Variants in CACNA2D1 observed in about 807,000 individuals in gnomAD.
The protein encoded by CACNA2D1 is calcium voltage-gated channel auxiliary subunit alpha2delta 1.
A neutral mutation model predicts 171.5 loss-of-function variants in CACNA2D1; 53 were observed. The observed-to-expected ratio is 0.31, with a 90% confidence interval of 0.25 to 0.39. The LOEUF is 0.39. Ranked by LOEUF, CACNA2D1 falls within the 10% of genes least tolerant of loss-of-function variation. The probability of loss-of-function intolerance (pLI) is 1.00; values close to 1 mark genes in which losing one functional copy is unlikely to be tolerated. For missense variants in CACNA2D1, 903 were observed against 1,299.8 expected, an observed-to-expected ratio of 0.69 and a Z score of 4.69; for synonymous variants, 442 against 443.1, an observed-to-expected ratio of 1.00 and a Z score of 0.03.
chr7:82,209,797 G>T (rs571751691), intron 3 of CACNA2D1, among the ~76,000 whole-genome samples: 1 of 151,994 alleles, frequency 6.6e-6, no homozygotes, highest in Non-Finnish European at 1.5e-5. Flanking sequence ...ACATTTTTGC[G>T]CTGTGTGAAT....
intron 1 of CACNA2D1, among the ~76,000 whole-genome samples, chr7:82,358,874 T>A (rs1031105781): frequency 6.6e-5 from 10 of 151,962 alleles, no homozygotes; most frequent in Non-Finnish European, 1.2e-4. Context: ...TATCCAAGTA[T>A]TTTTTTTCAT....
chr7:82,401,454 G>A (rs1307953624), intron 1 of CACNA2D1, among the ~76,000 whole-genome samples: 1 of 149,038 alleles, frequency 6.7e-6, no homozygotes, highest in Non-Finnish European at 1.5e-5. Context: ...ACTATCGCAA[G>A]AACAAAAAAC....
At chr7:82,038,380 C>T in intron 10 of CACNA2D1, 145 bp from the exon 11 acceptor site, 2 of 690,072 alleles carry the variant, frequency 2.9e-6, no homozygotes, top group Non-Finnish European at 2.4e-6. Context: ...GACAAAGGTG[C>T]ATTAAGAAAC....
At chr7:82,160,627 C>T (rs1794848004) in intron 4 of CACNA2D1, among the ~76,000 whole-genome samples, 1 of 151,964 alleles carries the variant, frequency 6.6e-6, no homozygotes, top group East Asian at 1.9e-4. Context: ...TGCCACCATG[C>T]CCAGATAATT....
intron 4 of CACNA2D1, among the ~76,000 whole-genome samples, chr7:82,146,494 TTATA>T (rs374065183): frequency 4.1e-5 from 5 of 121,058 alleles, no homozygotes; most frequent in African/African-American, 1.1e-4. Context: ...ATATTTATAT[TTATA>T]TATATATAAA....
intron 7 of CACNA2D1, among the ~76,000 whole-genome samples, chr7:82,067,609 A>G (rs1434975287): frequency 2.6e-5 from 4 of 152,200 alleles, no homozygotes; most frequent in Admixed American, 6.5e-5. Context: ...AAGCTTAAAT[A>G]TAGCACTCTT....
rs1482058203 is a variant in CACNA2D1, at chr7:82,139,853, C to T, written c.355-3177G>A. Among the ~76,000 whole-genome samples the T allele has an allele frequency of 8.6e-5, 13 of 150,616 alleles. No individual in the cohort carries two copies. In the East Asian group the frequency reaches 1.7e-3, roughly 20 times the overall value. ...AGGCTGGAGTGCAATGGCATGATCT[C>T]GGCTCACTGCAAATTCTGCCTCCTG... On this transcript the variant is annotated intron_variant, in intron 4 of 38. Coordinates refer to ENST00000356860, the MANE Select transcript of CACNA2D1 (RefSeq NM_000722.4).
At chr7:82,314,673 TA>T (rs774842744) in intron 3 of CACNA2D1, among the ~76,000 whole-genome samples, 3 of 152,114 alleles carry the variant, frequency 2.0e-5, no homozygotes, top group African/African-American at 7.2e-5. Flanking sequence ...CATATTTGGA[TA>T]AAAAATATTT....
At chr7:82,350,321 C>T (rs568615529) in intron 1 of CACNA2D1, among the ~76,000 whole-genome samples, 9 of 152,118 alleles carry the variant, frequency 5.9e-5, no homozygotes, top group Non-Finnish European at 1.3e-4. Context: ...CAGCTTTTAA[C>T]CACTACATAC....
chr7:82,150,105 C>CATT, intron 4 of CACNA2D1, among the ~76,000 whole-genome samples: 1 of 151,918 alleles, frequency 6.6e-6, no homozygotes, highest in Non-Finnish European at 1.5e-5. Flanking sequence ...AATGCTTAAA[C>CATT]GGCTTTAAGC....
At chr7:82,395,956 T>C (rs1825716962) in intron 1 of CACNA2D1, among the ~76,000 whole-genome samples, 1 of 152,228 alleles carries the variant, frequency 6.6e-6, no homozygotes, top group Non-Finnish European at 1.5e-5. Context: ...GTGAAAATCC[T>C]ATGCAGACTA....
At chr7:82,353,345 T>C (rs554852218) in intron 1 of CACNA2D1, among the ~76,000 whole-genome samples, 1 of 152,224 alleles carries the variant, frequency 6.6e-6, no homozygotes, top group Non-Finnish European at 1.5e-5. Flanking sequence ...AATTGTGGTA[T>C]AGAAAGTAAG....
intron 1 of CACNA2D1, among the ~76,000 whole-genome samples, chr7:82,430,956 C>T (rs1243985200): frequency 6.6e-6 from 1 of 152,162 alleles, no homozygotes; most frequent in Non-Finnish European, 1.5e-5. Context: ...AATAGATTCA[C>T]TCTCTGTGGC....
chr7:82,419,628 A>C (rs1409334111), intron 1 of CACNA2D1, among the ~76,000 whole-genome samples: 6 of 152,244 alleles, frequency 3.9e-5, no homozygotes, highest in Non-Finnish European at 7.3e-5. Flanking sequence ...TAATTTAGAA[A>C]ATAATTTGAA....
At chr7:82,110,993 G>C (rs1249587951) in intron 6 of CACNA2D1, among the ~76,000 whole-genome samples, 1 of 151,992 alleles carries the variant, frequency 6.6e-6, no homozygotes, top group African/African-American at 2.4e-5. Context: ...TTTAGTCAGT[G>C]CTATATTCCC....
chr7:82,000,216 G>A (rs1481054742), intron 18 of CACNA2D1, among the ~76,000 whole-genome samples: 2 of 151,946 alleles, frequency 1.3e-5, no homozygotes, highest in Non-Finnish European at 1.5e-5. Context: ...CCGAGATTGC[G>A]CCACTGCACT....
intron 3 of CACNA2D1, among the ~76,000 whole-genome samples, chr7:82,307,887 G>A (rs989873116): frequency 6.6e-6 from 1 of 152,156 alleles, no homozygotes; most frequent in African/African-American, 2.4e-5. Context: ...AAAACCTGAT[G>A]GTGAAAGATT....
chr7:82,310,031 CTA>C (rs1191731184), intron 3 of CACNA2D1, among the ~76,000 whole-genome samples: 1 of 151,930 alleles, frequency 6.6e-6, no homozygotes, highest in East Asian at 1.9e-4. Flanking sequence ...AAATATAACT[CTA>C]AATTTATATG....
chr7:82,295,118 C>A (rs1211690029), intron 3 of CACNA2D1, among the ~76,000 whole-genome samples: 1 of 152,100 alleles, frequency 6.6e-6, no homozygotes, highest in Non-Finnish European at 1.5e-5. Context: ...TCCAATACTT[C>A]ATTTTGCCCA....
Sources: gnomAD v4.1 joint callset for allele counts (sites outside exome capture counted in the v4.1 genomes callset) on GRCh38, gnomAD v4.1.1 for gene constraint, MANE v1.5 for transcripts, NCBI Gene and HGNC (gene_info 2026-07-23, HGNC 2026-07-21) for gene names.